Variants in TRAPPC9 observed in about 807,000 individuals in gnomAD.
TRAPPC9 encodes IKK2 binding protein.
TRAPPC9 carries 83 observed loss-of-function variants against 124.0 expected under a neutral mutation model. The observed-to-expected ratio is 0.67, with a 90% CI of 0.56 to 0.80. The LOEUF is 0.80. Among genes scored for constraint, TRAPPC9 ranks in the 30% least tolerant of loss-of-function variants. The probability of loss-of-function intolerance (pLI) is 0.00; values close to 1 mark genes in which losing one functional copy is unlikely to be tolerated. For missense variants in TRAPPC9, 1,302 were observed against 1,508.3 expected, an observed-to-expected ratio of 0.86 and a Z score of 2.27; for synonymous variants, 638 against 617.5, an observed-to-expected ratio of 1.03 and a Z score of -0.49.
intron 21 of TRAPPC9, among the ~76,000 whole-genome samples, chr8:139,815,998 G>T (rs1298946142): frequency 3.3e-5 from 5 of 152,244 alleles, no homozygotes; most frequent in Non-Finnish European, 5.9e-5. Context: ...CCAGGCTGGG[G>T]ACCGGGCGGG....
intron 21 of TRAPPC9, among the ~76,000 whole-genome samples, chr8:139,739,300 C>T (rs538343374): frequency 6.6e-6 from 1 of 152,228 alleles, no homozygotes; most frequent in African/African-American, 2.4e-5. Flanking sequence ...CCACCCGCCC[C>T]GCCCTGGCTG....
intron 19 of TRAPPC9, among the ~76,000 whole-genome samples, chr8:139,914,515 T>C (rs996942555): frequency 6.6e-6 from 1 of 152,182 alleles, no homozygotes; most frequent in Non-Finnish European, 1.5e-5. Flanking sequence ...GCCCACCACC[T>C]GGGCTGGATG....
chr8:139,787,339 C>T (rs1054026096), intron 21 of TRAPPC9, among the ~76,000 whole-genome samples: 5 of 152,120 alleles, frequency 3.3e-5, no homozygotes, highest in Admixed American at 1.3e-4. Flanking sequence ...ACCCACTGTA[C>T]AGTCATGACT....
intron 19 of TRAPPC9, among the ~76,000 whole-genome samples, chr8:139,956,324 G>A (rs1002830939): frequency 2.6e-5 from 4 of 152,110 alleles, no homozygotes; most frequent in African/African-American, 9.7e-5. Context: ...ACCACGCCCA[G>A]ATAATTTTTT....
Position 139,776,139 on chromosome 8 carries a change from C to T in TRAPPC9, c.3056-43937G>A, listed in dbSNP as rs1002134846. Among the ~76,000 whole-genome samples, 1 of 152,220 alleles carries T rather than the reference C, an allele frequency of 6.6e-6. No individual in the cohort carries two copies. The highest frequency in any genetic ancestry group is 1.5e-5 in the Non-Finnish European group (1 of 68,032). On this transcript the variant is annotated intron_variant, in intron 21 of 22. Transcript: ENST00000438773. This position sits in a 1 kb window ranked among gnomAD's most constrained non-coding sequence, Gnocchi z 4.1. ...AGGACGAGGCTGGACTCTGCCAGGA[C>T]CACGTGCTAGTCATGGGGGCTTGGG...
intron 5 of TRAPPC9, among the ~76,000 whole-genome samples, chr8:140,425,770 C>T (rs894518125): frequency 7.2e-5 from 11 of 152,182 alleles, no homozygotes; most frequent in African/African-American, 2.2e-4. Flanking sequence ...GTCTGCCCGC[C>T]TGACTGTCCC....
At chr8:140,058,054 G>T (rs781136804) in intron 17 of TRAPPC9, among the ~76,000 whole-genome samples, 12 of 152,184 alleles carry the variant, frequency 7.9e-5, no homozygotes, top group Non-Finnish European at 1.3e-4. Context: ...AAGTGCTCGC[G>T]AATGTGACAG....
chr8:140,071,347 T>C lies in TRAPPC9; in HGVS notation c.2557-47268A>G, dbSNP rs75512990. On this transcript the variant is annotated intron_variant, in intron 17 of 22. Coordinates refer to ENST00000438773, the MANE Select transcript of TRAPPC9 (RefSeq NM_001160372.4). ...TCCAGCGGTCATGCTGCTCAGTCCCTGGCCCTAAAAGGCACCAGATCTACT... is the reference window on the plus strand; with the variant it reads ...TCCAGCGGTCATGCTGCTCAGTCCCCGGCCCTAAAAGGCACCAGATCTACT... 2.4e-3 allele frequency among the ~76,000 whole-genome samples: 360 copies of C among 152,338 alleles called. 3 individuals are homozygous for C. In the East Asian group the frequency reaches 0.03, roughly 13 times the overall value.
intron 21 of TRAPPC9, among the ~76,000 whole-genome samples, chr8:139,755,299 G>C: frequency 6.6e-6 from 1 of 150,454 alleles, no homozygotes; most frequent in South Asian, 2.1e-4. Context: ...AGGAGCCAGG[G>C]ATTGGGGATG....
chr8:139,952,195 A>G (rs895396643), intron 19 of TRAPPC9, among the ~76,000 whole-genome samples: 41 of 152,222 alleles, frequency 2.7e-4, no homozygotes, highest in African/African-American at 9.2e-4. Flanking sequence ...CATTACTTTC[A>G]GAATTAGATT....
chr8:139,740,631 G>A (rs113730942), intron 21 of TRAPPC9, among the ~76,000 whole-genome samples: 5 of 152,352 alleles, frequency 3.3e-5, no homozygotes, highest in African/African-American at 1.2e-4. Context: ...CGGGCCCTGC[G>A]GAAGCAGGTC....
intron 19 of TRAPPC9, among the ~76,000 whole-genome samples, chr8:139,968,422 C>T (rs1835850839): frequency 6.6e-6 from 1 of 152,154 alleles, no homozygotes; most frequent in African/African-American, 2.4e-5. Flanking sequence ...CAGAGAGCTC[C>T]AAGACGACCC....
chr8:140,256,523 C>A (rs548019096), intron 15 of TRAPPC9, among the ~76,000 whole-genome samples: 3 of 151,134 alleles, frequency 2.0e-5, no homozygotes, highest in Non-Finnish European at 4.5e-5. Context: ...ACCTCCTCCA[C>A]GCAGGACCCC....
In TRAPPC9 at chr8:139,727,957, A is replaced by T. The variant is rs1218943103; in HGVS notation, c.*3104T>A. ...AGGCACAGGACATGTGGATGGAATT[A>T]AAAAGAACAGCAATGGGAAGGCTAG... On this transcript the variant is annotated 3_prime_UTR_variant, in exon 23 of 23. Transcript: ENST00000438773. Among the ~76,000 whole-genome samples the T allele has an allele frequency of 2.6e-5, 4 of 152,230 alleles. No homozygotes were observed. The highest frequency in any genetic ancestry group is 9.6e-5 in the African/African-American group (4 of 41,460).
chr8:140,033,658 GTTTTTTTTTTTTTTTTTTTTTTTTT>G (rs776155126), intron 17 of TRAPPC9, among the ~76,000 whole-genome samples: 6 of 42,364 alleles, frequency 1.4e-4, no homozygotes, highest in Admixed American at 7.5e-4. Flanking sequence ...TCATAATGTG[GTTTTTTTTTTTTTTTTTTTTTTTTT>G]TTTTTTTTTT....
chr8:140,095,304 G>A (rs899071293), intron 17 of TRAPPC9: 1 of 152,228 alleles, frequency 6.6e-6, no homozygotes, highest in Admixed American at 6.5e-5. Context: ...GACAGTGAGG[G>A]GAGCTTCTCT....
chr8:139,765,387 T>G (rs1212165213), intron 21 of TRAPPC9, among the ~76,000 whole-genome samples: 1 of 152,148 alleles, frequency 6.6e-6, no homozygotes, highest in Non-Finnish European at 1.5e-5. Flanking sequence ...CATGTGTGGG[T>G]TTGCGTTTTC....
intron 3 of TRAPPC9, among the ~76,000 whole-genome samples, chr8:140,436,721 C>T (rs1235761074): frequency 2.0e-5 from 3 of 152,198 alleles, no homozygotes; most frequent in Non-Finnish European, 4.4e-5. Flanking sequence ...GAAGCACCTG[C>T]TGCACATGCC....
chr8:140,290,402 G>C (rs1293838156), intron 12 of TRAPPC9, among the ~76,000 whole-genome samples: 1 of 152,188 alleles, frequency 6.6e-6, no homozygotes, highest in Non-Finnish European at 1.5e-5. Flanking sequence ...TGAAAACACA[G>C]AATCAGCTTA....
Sources: gnomAD v4.1 joint callset for allele counts (sites outside exome capture counted in the v4.1 genomes callset) on GRCh38, gnomAD v4.1.1 for gene constraint, Gnocchi (gnomAD v3.1) non-coding constraint, MANE v1.5 for transcripts, NCBI Gene and HGNC (gene_info 2026-07-23, HGNC 2026-07-21) for gene names.